The following LETM2 variants were observed in gnomAD, a reference collection of about 807,000 sequenced individuals.
The protein encoded by LETM2 is leucine zipper and EF-hand containing transmembrane protein 2, also known as LETM1 domain-containing protein LETM2, mitochondrial.
A neutral mutation model predicts 59.6 loss-of-function variants in LETM2; 58 were observed. That is an observed-to-expected ratio of 0.97 (90% confidence interval 0.79 to 1.21). The LOEUF is 1.21. LETM2 is among the 50% of genes most tolerant of loss of function. The pLI is 0.00. For synonymous variants in LETM2, 199 were observed against 214.1 expected (o/e 0.93, Z 0.62); for missense variants, 572 against 575.7 (o/e 0.99, Z 0.07).
At chr8:38,405,799 GCTAAAT>G (rs1813668216) in intron 8 of LETM2, among the ~76,000 whole-genome samples, 1 of 152,190 alleles carries the variant, frequency 6.6e-6, no homozygotes, top group African/African-American at 2.4e-5. Flanking sequence ...CACTGTCTCA[GCTAAAT>G]CTGGGTTCTC....
chr8:38,408,261 C>CA lies in LETM2; in HGVS notation c.1467dup (p.Gly490ArgfsTer56). On this transcript the variant is annotated frameshift_variant, in exon 11 of 11. Transcript: ENST00000379957. LOFTEE classifies it high-confidence loss of function. ...ACGGCCCAGAACAGCAAGGCTAGTT[C>CA]AAAAGGAGCATAAAGGACTACTTGA... is the stretch of plus-strand genomic sequence containing the variant. The CA allele has an allele frequency of 2.5e-6, 4 of 1,612,784 alleles. No homozygotes were observed. The highest frequency in any genetic ancestry group is 3.4e-6 in the Non-Finnish European group (4 of 1,179,434).
In LETM2 at chr8:38,404,455, C is replaced by G. The variant is rs1206083644; in HGVS notation, c.1167C>G (p.Phe389Leu). ...PPSLLLLSRT[F>L]YLIDVKPKPI... ...CCCTTTTGCTCCTGTCCCGCACCTTCTACCTGATAGATGTGAAGCCCAAGC... is the reference window on the plus strand; with the variant it reads ...CCCTTTTGCTCCTGTCCCGCACCTTGTACCTGATAGATGTGAAGCCCAAGC... The change falls in exon 8 of 11, where the codon TTC becomes TTG. Residue 389 changes from phenylalanine (F) to leucine (L), a missense_variant. Transcript: ENST00000379957. 15 of 1,614,024 alleles carry G rather than the reference C, an allele frequency of 9.3e-6. No homozygotes were observed. The highest frequency in any genetic ancestry group is 1.2e-5 in the Non-Finnish European group (14 of 1,180,018).
At chr8:38,405,461 G>A (rs1191018464) in intron 8 of LETM2, among the ~76,000 whole-genome samples, 1 of 152,210 alleles carries the variant, frequency 6.6e-6, no homozygotes, top group African/African-American at 2.4e-5. Flanking sequence ...CAAGTACTAA[G>A]TGAGGGCCAG....
chr8:38,404,679 A>ACC (rs1473445891), intron 8 of LETM2, 173 bp downstream of exon 8: 53 of 570,528 alleles, frequency 9.3e-5, no homozygotes, highest in Middle Eastern at 3.6e-4. Context: ...ACCAACCACA[A>ACC]ACAAACAAAA....
At chr8:38,397,905 C>G (rs1405084803) in intron 4 of LETM2, among the ~76,000 whole-genome samples, 2 of 151,938 alleles carry the variant, frequency 1.3e-5, no homozygotes, top group Non-Finnish European at 2.9e-5. Context: ...TTTGGGAGGC[C>G]GAGGTGGGTG....
chr8:38,396,578 C>T lies in LETM2; in HGVS notation c.645+2337C>T, dbSNP rs114920760. ...TGTTGAAAAGATTTTCTCTTCTCCA[C>T]TAAATTCTAACTTGATTTTAACTGT... is the stretch of plus-strand genomic sequence containing the variant. On this transcript the variant is annotated intron_variant, in intron 4 of 10. Transcript: ENST00000379957. Among the ~76,000 whole-genome samples, 656 of 152,194 alleles carry T rather than the reference C, an allele frequency of 4.3e-3. 8 individuals are homozygous for T. The highest frequency in any genetic ancestry group is 0.015 in the African/African-American group (632 of 41,524).
At chr8:38,391,181 C>CAA (rs552521178) in intron 2 of LETM2, among the ~76,000 whole-genome samples, 184 of 51,462 alleles carry the variant, frequency 3.6e-3, no homozygotes, top group Middle Eastern at 0.012. Flanking sequence ...CCTCCTGTCT[C>CAA]AAAAAAAAAA....
chr8:38,408,312 C>T lies in LETM2; in HGVS notation c.*38C>T. 6.4e-7 allele frequency: 1 copy of T among 1,571,614 alleles called. No individual in the cohort carries two copies. The highest frequency in any genetic ancestry group is 2.2e-5 in the East Asian group (1 of 44,616). The stretch of plus-strand genomic sequence containing the variant: ...GGATGGAGCTCACTCTCTTCAGCTT[C>T]CGGCCCTCAACAGTGGCATCTGTAA... On this transcript the variant is annotated 3_prime_UTR_variant, in exon 11 of 11. Coordinates refer to ENST00000379957, the MANE Select transcript of LETM2 (RefSeq NM_001286819.2).
chr8:38,390,987 T>A (rs1812197029), intron 2 of LETM2, among the ~76,000 whole-genome samples: 1 of 151,718 alleles, frequency 6.6e-6, no homozygotes, highest in Admixed American at 6.6e-5. Context: ...GGCGACAAAT[T>A]TTTTTTGCTT....
upstream of LETM2, chr8:38,383,142 A>T (rs1811647551): frequency 6.6e-6 from 1 of 152,226 alleles, no homozygotes; most frequent in South Asian, 2.1e-4. Flanking sequence ...AGACCTTCGC[A>T]TCGAGGGACG....
Position 38,407,056 on chromosome 8 carries a change from C to T in LETM2, c.1311+18C>T. ...GAACTAAGGTTAGACAGTTACTTTC[C>T]ATTTGGTTAATTAGATTAAAAAATG... On this transcript the variant is annotated intron_variant, in intron 9 of 10. Transcript: ENST00000379957. 3 of 1,490,164 alleles carry T rather than the reference C, an allele frequency of 2.0e-6. No homozygotes were observed. The highest frequency in any genetic ancestry group is 2.8e-6 in the Non-Finnish European group (3 of 1,070,220). 92.3% of individuals were successfully genotyped at this position (1,490,164 alleles called of 1,614,324 possible).
chr8:38,407,070 G>A, intron 9 of LETM2, 32 bp downstream of exon 9: 4 of 1,401,522 alleles, frequency 2.9e-6, no homozygotes, highest in Non-Finnish European at 4.0e-6. Context: ...TGGTTAATTA[G>A]ATTAAAAAAT....
At chr8:38,407,283 G>A (rs950602163) in intron 9 of LETM2, 79 bp from the exon 10 acceptor site, 3 of 1,111,278 alleles carry the variant, frequency 2.7e-6, no homozygotes, top group African/African-American at 3.1e-5. Flanking sequence ...CAAGTTCCTG[G>A]TAGTCAAGGT....
chr8:38,406,615 AAAAAAG>A, intron 8 of LETM2: 1 of 196,496 alleles, frequency 5.1e-6, no homozygotes, highest in Non-Finnish European at 1.0e-5. Flanking sequence ...AAAAAAAAGA[AAAAAAG>A]AAAAACAAAT....
rs750497027 is a variant in LETM2 at position 38,407,052 on chromosome 8, T to C, written c.1311+14T>C. On this transcript the variant is annotated intron_variant, in intron 9 of 10. Coordinates refer to ENST00000379957, the MANE Select transcript of LETM2 (RefSeq NM_001286819.2). ...AAGGGAACTAAGGTTAGACAGTTAC[T>C]TTCCATTTGGTTAATTAGATTAAAA... The C allele has an allele frequency of 3.9e-6, 6 of 1,519,404 alleles. No individual in the cohort carries two copies. In the South Asian group the frequency reaches 6.8e-5, roughly 17 times the overall value. 94.1% of individuals were successfully genotyped at this position (1,519,404 alleles called of 1,614,324 possible).
chr8:38,403,138 T>C (rs962055969), intron 7 of LETM2, among the ~76,000 whole-genome samples: 9 of 152,204 alleles, frequency 5.9e-5, no homozygotes, highest in Non-Finnish European at 1.2e-4. Flanking sequence ...TCCTCATGCT[T>C]GAAATCTCCA....
At chr8:38,406,368 G>A (rs1473924648) in intron 8 of LETM2, 2 of 152,298 alleles carry the variant, frequency 1.3e-5, no homozygotes, top group East Asian at 3.8e-4. Flanking sequence ...GGGAGGCTGA[G>A]GTGGGTGGAT....
intron 4 of LETM2, among the ~76,000 whole-genome samples, chr8:38,399,949 AAGAGAG>A (rs3138841): frequency 2.0e-3 from 302 of 148,058 alleles, no homozygotes; most frequent in Admixed American, 4.9e-3. Flanking sequence ...TGATCTCAAA[AAGAGAG>A]AGAGAGAGAG....
intron 2 of LETM2, among the ~76,000 whole-genome samples, chr8:38,392,207 T>C (rs1034522075): frequency 1.3e-5 from 2 of 152,062 alleles, no homozygotes; most frequent in Non-Finnish European, 2.9e-5. Flanking sequence ...GGCGGATCAC[T>C]TGAGGTCAGG....
Sources: gnomAD v4.1 joint callset for allele counts (sites outside exome capture counted in the v4.1 genomes callset) on GRCh38, gnomAD v4.1.1 for gene constraint, MANE v1.5 for transcripts, NCBI Gene and HGNC (gene_info 2026-07-23, HGNC 2026-07-21) for gene names.